CYP2B6: variants seen among roughly 807,000 people sequenced by gnomAD.
CYP2B6 encodes the protein cytochrome P450 2B6.
CYP2B6 carries 35 observed loss-of-function variants against 43.4 expected under a neutral mutation model. The observed-to-expected ratio is 0.81, with a 90% confidence interval of 0.62 to 1.07. The LOEUF is 1.07. CYP2B6 is among the 50% of genes least tolerant of loss of function. The pLI, the probability that CYP2B6 is intolerant of heterozygous loss-of-function variation, is 0.00. For synonymous variants in CYP2B6, 239 were observed against 239.2 expected, an observed-to-expected ratio of 1.00 and a Z score of 0.01; for missense variants, 624 against 632.8, an observed-to-expected ratio of 0.99 and a Z score of 0.15.
chr19:41,011,440 A>G (rs139165206), intron 6 of CYP2B6, among the ~76,000 whole-genome samples: 163 of 152,310 alleles, frequency 1.1e-3, no homozygotes, highest in Non-Finnish European at 1.4e-3. Flanking sequence ...TAATCAATCC[A>G]TCTATTAATT....
At chr19:41,002,885 T>G (rs990930683) in intron 1 of CYP2B6, among the ~76,000 whole-genome samples, 8 of 152,076 alleles carry the variant, frequency 5.3e-5, no homozygotes, top group Admixed American at 4.6e-4. Flanking sequence ...TATGATGCAT[T>G]GACTCTTTTG....
chr19:41,009,946 G>A, intron 5 of CYP2B6, 48 bp from the exon 6 acceptor site: 1 of 1,612,718 alleles, frequency 6.2e-7, no homozygotes, highest in Non-Finnish European at 8.5e-7. Flanking sequence ...ACACAGCAAG[G>A]CTACAGCCTC....
At chr19:41,004,669 A>G (rs1278205109) in intron 3 of CYP2B6, among the ~76,000 whole-genome samples, 1 of 151,892 alleles carries the variant, frequency 6.6e-6, no homozygotes, top group Non-Finnish European at 1.5e-5. Flanking sequence ...GGAAAGAGAG[A>G]GATGCCAGGT....
intron 6 of CYP2B6, among the ~76,000 whole-genome samples, chr19:41,011,631 A>G (rs180957989): frequency 1.3e-3 from 201 of 152,290 alleles, no homozygotes; most frequent in African/African-American, 4.7e-3. Flanking sequence ...ACTATATTAT[A>G]AACACAATAA....
At chr19:41,014,989 TGAAAA>T (rs970127872) in intron 8 of CYP2B6, among the ~76,000 whole-genome samples, 2 of 147,718 alleles carry the variant, frequency 1.4e-5, no homozygotes, top group African/African-American at 5.0e-5. Flanking sequence ...TAGAGGGAGA[TGAAAA>T]GAAAGAATGA....
intron 1 of CYP2B6, among the ~76,000 whole-genome samples, chr19:41,001,177 C>A (rs1969080126): frequency 6.6e-6 from 1 of 152,076 alleles, no homozygotes; most frequent in Admixed American, 6.6e-5. Context: ...TCTCCAAAGC[C>A]CTCCTAGACT....
At chr19:41,004,918 G>T (rs1217810419) in intron 3 of CYP2B6, among the ~76,000 whole-genome samples, 1 of 152,042 alleles carries the variant, frequency 6.6e-6, no homozygotes, top group African/African-American at 2.4e-5. Context: ...GATCACTTGA[G>T]CCCAGGAGGT....
rs1190897648 is a variant in CYP2B6, at chr19:41,004,294, C to T, written c.335-3C>T. The T allele has an allele frequency of 9.9e-6, 16 of 1,613,742 alleles. No homozygotes were observed. Among genetic ancestry groups the T allele is most frequent in the Non-Finnish European group, 1.3e-5 (15 of 1,180,016 alleles). On this transcript the variant is annotated splice_polypyrimidine_tract_variant and splice_region_variant and intron_variant, in intron 2 of 8. Transcript: ENST00000324071. ...ACCAACCCACACCTCCCCTGCACCCCAGGTGTGATCTTTGCCAATGGAAAC... is the reference window on the plus strand; with the variant it reads ...ACCAACCCACACCTCCCCTGCACCCTAGGTGTGATCTTTGCCAATGGAAAC...
chr19:41,001,354 G>A (rs941883029), intron 1 of CYP2B6, among the ~76,000 whole-genome samples: 15 of 152,132 alleles, frequency 9.9e-5, no homozygotes, highest in East Asian at 3.9e-4. Context: ...AGGTATTCAC[G>A]ACCATCTATT....
chr19:41,006,324 C>CGT (rs1555792881), intron 3 of CYP2B6, among the ~76,000 whole-genome samples: 1 of 75,058 alleles, frequency 1.3e-5, no homozygotes, highest in African/African-American at 5.0e-5. Context: ...TGTCTAGCTA[C>CGT]ATTTTTTTTT....
chr19:41,003,969 A>C (rs933304664), intron 1 of CYP2B6, 32 bp from the exon 2 acceptor site: 1 of 1,606,934 alleles, frequency 6.2e-7, no homozygotes, highest in African/African-American at 1.3e-5. Context: ...ATGCTGACTA[A>C]CAGCCACCCC....
intron 1 of CYP2B6, among the ~76,000 whole-genome samples, chr19:40,992,191 G>A (rs937138779): frequency 8.2e-6 from 1 of 122,018 alleles, no homozygotes; most frequent in Admixed American, 8.3e-5. Flanking sequence ...GACAGAGTGA[G>A]ACTCCTTCTC....
chr19:41,008,457 GA>G (rs1385128588), intron 4 of CYP2B6, among the ~76,000 whole-genome samples: 1 of 133,028 alleles, frequency 7.5e-6, no homozygotes, highest in Non-Finnish European at 1.6e-5. Flanking sequence ...ATTAAGCAGG[GA>G]TGTATGTTGG....
chr19:41,011,596 C>T (rs892111643), intron 6 of CYP2B6, among the ~76,000 whole-genome samples: 1 of 152,050 alleles, frequency 6.6e-6, no homozygotes, highest in Non-Finnish European at 1.5e-5. Context: ...CTGTTATATA[C>T]CTGAGGACCA....
rs193922917 is a variant in CYP2B6, at chr19:41,010,108, C to A, written c.937C>A (p.Leu313Ile). 5 of 1,613,594 alleles carry A rather than the reference C, an allele frequency of 3.1e-6. No homozygotes were observed. Among genetic ancestry groups the A allele is most frequent in the East Asian group, 2.2e-5 (1 of 44,884 alleles). ...TSTTLRYGFL[L>I]MLKYPHVAER... ...CACCACTCTCCGCTACGGCTTCCTG[C>A]TCATGCTCAAATACCCTCATGTTGC... Residue 313 changes from leucine to isoleucine, a missense_variant, in exon 6 of 9, where the codon CTC (leucine) becomes ATC (isoleucine). Transcript: ENST00000324071.
chr19:41,007,155 A>C, intron 4 of CYP2B6, 90 bp downstream of exon 4: 1 of 1,296,674 alleles, frequency 7.7e-7, no homozygotes, highest in Non-Finnish European at 1.1e-6. Flanking sequence ...GGGGGCTCAG[A>C]AATGCAGCTT....
rs1403575891 is a variant in CYP2B6, at chr19:40,995,912, G to C, written c.171+4436G>C. On this transcript the variant is annotated intron_variant, in intron 1 of 8. Transcript: ENST00000324071. ...GTTCAGCCAGACATACATCCAGAAA[G>C]TCTGAGCCCCGAACAAAGGCTTTTC... Among the ~76,000 whole-genome samples the C allele has an allele frequency of 2.6e-5, 4 of 152,288 alleles. No homozygotes were observed. The East Asian group carries it at 7.7e-4, about 29-fold the overall frequency.
rs1239957845 is a variant in CYP2B6 at position 41,006,580 on chromosome 19, C to T, written c.485-325C>T. ...CTGAGAGGAGGTGCAGAGTGAGAAC[C>T]GGCTGCATGGACTCTATAGCTGTGT... is the stretch of plus-strand genomic sequence containing the variant. On this transcript the variant is annotated intron_variant, in intron 3 of 8. Transcript: ENST00000324071. Among the ~76,000 whole-genome samples the T allele has an allele frequency of 4.6e-5, 7 of 151,888 alleles. No homozygotes were observed. The South Asian group carries it at 8.3e-4, about 18-fold the overall frequency.
At chr19:40,997,521 G>A (rs913069944) in intron 1 of CYP2B6, among the ~76,000 whole-genome samples, 1 of 151,940 alleles carries the variant, frequency 6.6e-6, no homozygotes, top group Non-Finnish European at 1.5e-5. Flanking sequence ...GAGTATATAT[G>A]CCAATACTAC....
Sources: allele counts gnomAD v4.1 joint callset (sites outside exome capture counted in the v4.1 genomes callset), GRCh38; gene constraint gnomAD v4.1.1; transcripts MANE v1.5; gene names NCBI Gene and HGNC (gene_info 2026-07-23, HGNC 2026-07-21).